The following RBFOX1 variants were observed in gnomAD, a reference collection of about 807,000 sequenced individuals.
The protein encoded by RBFOX1 is RNA binding protein fox-1 homolog 1.
Under a neutral mutation model 57.7 loss-of-function variants are expected in RBFOX1, and 8 were observed. That is an observed-to-expected ratio of 0.14 (90% confidence interval 0.08 to 0.25). RBFOX1 has a LOEUF of 0.25. RBFOX1 is among the 10% of genes least tolerant of loss of function. RBFOX1 has a pLI of 1.00. For missense variants in RBFOX1, 611 were observed against 548.5 expected, an observed-to-expected ratio of 1.11 and a Z score of -1.14; for synonymous variants, 326 against 222.4, an observed-to-expected ratio of 1.47 and a Z score of -4.15.
At chr16:7,183,031 A>T (rs536170266) in intron 4 of RBFOX1, among the ~76,000 whole-genome samples, 1 of 152,342 alleles carries the variant, frequency 6.6e-6, no homozygotes, top group South Asian at 2.1e-4. Flanking sequence ...CATAATGGGC[A>T]CACAACAATA....
intron 1 of RBFOX1, among the ~76,000 whole-genome samples, chr16:6,268,188 G>T (rs79076034): frequency 6.6e-6 from 1 of 152,104 alleles, no homozygotes; most frequent in African/African-American, 2.4e-5. Context: ...TGCCTTTTGT[G>T]ACAGTTTCCT....
chr16:7,011,210 C>A (rs1056813859), intron 3 of RBFOX1, among the ~76,000 whole-genome samples: 2 of 152,090 alleles, frequency 1.3e-5, no homozygotes, highest in Non-Finnish European at 2.9e-5. Context: ...TCGTGGAGTC[C>A]TCATACCATT....
At chr16:7,456,104 G>A (rs554108123) in intron 4 of RBFOX1, among the ~76,000 whole-genome samples, 6 of 152,266 alleles carry the variant, frequency 3.9e-5, no homozygotes, top group Non-Finnish European at 5.9e-5. Flanking sequence ...TTGAACAAGC[G>A]TTCCTACATT....
At chr16:5,702,087 G>C (rs1350397202) in intron 3 of RBFOX1, among the ~76,000 whole-genome samples, 1 of 152,150 alleles carries the variant, frequency 6.6e-6, no homozygotes, top group South Asian at 2.1e-4. Flanking sequence ...TGGGGAATTG[G>C]CTGGGAAGTC....
intron 3 of RBFOX1, among the ~76,000 whole-genome samples, chr16:6,656,169 A>G (rs1249886998): frequency 6.6e-6 from 1 of 152,182 alleles, no homozygotes; most frequent in Non-Finnish European, 1.5e-5. Context: ...AAAGTCTTCT[A>G]CCAATGTTCT....
chr16:6,481,145 A>G (rs2095365522), intron 2 of RBFOX1, among the ~76,000 whole-genome samples: 1 of 152,202 alleles, frequency 6.6e-6, no homozygotes, highest in Non-Finnish European at 1.5e-5. Flanking sequence ...TACAGTGCTC[A>G]TGGGAGACTC....
chr16:6,550,148 A>G (rs907942445), intron 2 of RBFOX1, among the ~76,000 whole-genome samples: 1 of 151,182 alleles, frequency 6.6e-6, no homozygotes, highest in Non-Finnish European at 1.5e-5. Flanking sequence ...CCCTCTCTCT[A>G]TCTCTCACTG....
At chr16:6,704,485 C>G (rs1188925760) in intron 3 of RBFOX1, 1 of 152,302 alleles carries the variant, frequency 6.6e-6, no homozygotes, top group East Asian at 1.9e-4. Context: ...GGCTGAACAG[C>G]AAACCCAGAG....
intron 2 of RBFOX1, among the ~76,000 whole-genome samples, chr16:5,544,703 T>C (rs1036911178): frequency 2.0e-5 from 3 of 152,160 alleles, no homozygotes; most frequent in Non-Finnish European, 2.9e-5. Context: ...GTATAGTACA[T>C]ACTTATATCT....
chr16:6,512,349 A>G (rs1400214460), intron 2 of RBFOX1, among the ~76,000 whole-genome samples: 2 of 150,634 alleles, frequency 1.3e-5, no homozygotes, highest in Non-Finnish European at 3.0e-5. Flanking sequence ...AACATACATT[A>G]TCATTAGATT....
chr16:6,860,098 TC>T (rs1449802642), intron 3 of RBFOX1, among the ~76,000 whole-genome samples: 2 of 152,204 alleles, frequency 1.3e-5, no homozygotes, highest in African/African-American at 4.8e-5. Flanking sequence ...GTACTATTTT[TC>T]CTCTTCCAAT....
At chr16:6,622,813 C>G (rs1301076299) in intron 2 of RBFOX1, among the ~76,000 whole-genome samples, 1 of 152,168 alleles carries the variant, frequency 6.6e-6, no homozygotes, top group Non-Finnish European at 1.5e-5. Context: ...GCTGAGAACT[C>G]ATAACACATT....
chr16:6,672,435 AAAG>A (rs1045022103), intron 3 of RBFOX1, among the ~76,000 whole-genome samples: 15 of 151,696 alleles, frequency 9.9e-5, no homozygotes, highest in African/African-American at 2.4e-4. Context: ...AGGAAAAAGA[AAAG>A]AAAGAGAAAA....
rs75023629 is a variant in RBFOX1 at position 5,802,231 on chromosome 16, T to C, written c.319-65072T>C. On this transcript the variant is annotated intron_variant, in intron 3 of 19. Coordinates refer to the RBFOX1 transcript ENST00000641259. The stretch of plus-strand genomic sequence containing the variant: ...CCATCAAAAGGAAGCCTGAAATAAT[T>C]CCTCAGATTGAAGCTGTTCGTTTGG... Among the ~76,000 whole-genome samples, 505 of 152,272 alleles carry C rather than the reference T, an allele frequency of 3.3e-3. 5 individuals carry two copies. Among genetic ancestry groups the C allele is most frequent in the African/African-American group, 0.012 (483 of 41,554 alleles).
chr16:6,992,321 A>G (rs1017261162), intron 3 of RBFOX1, among the ~76,000 whole-genome samples: 8 of 151,922 alleles, frequency 5.3e-5, no homozygotes, highest in African/African-American at 1.9e-4. Flanking sequence ...AGGTTCAAGC[A>G]ATTCTCCTGC....
chr16:7,574,956 C>G (rs2093182461), intron 5 of RBFOX1, among the ~76,000 whole-genome samples: 2 of 151,750 alleles, frequency 1.3e-5, no homozygotes, highest in African/African-American at 4.8e-5. Context: ...GTACTGCATA[C>G]ACCTTTGCTT....
intron 2 of RBFOX1, among the ~76,000 whole-genome samples, chr16:6,426,758 C>T (rs1365341375): frequency 2.0e-5 from 3 of 152,176 alleles, no homozygotes; most frequent in Non-Finnish European, 4.4e-5. Context: ...AGTGTCTCAT[C>T]ATCCAGAGAA....
chr16:6,678,804 G>T (rs1163347189), intron 3 of RBFOX1, among the ~76,000 whole-genome samples: 1 of 152,110 alleles, frequency 6.6e-6, no homozygotes, highest in Non-Finnish European at 1.5e-5. Flanking sequence ...ATGAATAGCT[G>T]ATAAGGCTTG....
intron 4 of RBFOX1, among the ~76,000 whole-genome samples, chr16:7,078,862 CCT>C (rs1491249721): frequency 0.013 from 510 of 38,562 alleles, 6 homozygotes; most frequent in African/African-American, 0.03. Flanking sequence ...TATATATATA[CCT>C]TTTTTTTTTT....
Sources: gnomAD v4.1 joint callset for allele counts (sites outside exome capture counted in the v4.1 genomes callset) on GRCh38, gnomAD v4.1.1 for gene constraint, MANE v1.5 for transcripts, NCBI Gene and HGNC (gene_info 2026-07-23, HGNC 2026-07-21) for gene names.